Variants in CERS3 observed in about 807,000 individuals in gnomAD.
CERS3 encodes ceramide synthase 3.
Under a neutral mutation model 50.3 loss-of-function variants are expected in CERS3, and 33 were observed. That is an observed-to-expected ratio of 0.66 (90% CI 0.50 to 0.88). CERS3 has a LOEUF of 0.88. Ranked by LOEUF, CERS3 falls within the 40% of genes least tolerant of loss-of-function variation. The pLI is 0.00. For missense variants in CERS3, 470 were observed against 460.3 expected (o/e 1.02, Z -0.19); for synonymous variants, 176 against 155.2 (o/e 1.13, Z -0.99).
intron 11 of CERS3, among the ~76,000 whole-genome samples, chr15:100,431,692 C>T (rs893682131): frequency 6.6e-6 from 1 of 151,324 alleles, no homozygotes; most frequent in Non-Finnish European, 1.5e-5. Flanking sequence ...TAGATCTCAG[C>T]CTAGGATGCA....
At chr15:100,436,680 G>A (rs535727604) in intron 11 of CERS3, among the ~76,000 whole-genome samples, 4 of 152,218 alleles carry the variant, frequency 2.6e-5, no homozygotes, top group Admixed American at 6.5e-5. Flanking sequence ...TAAGAAAAAT[G>A]TTTTTAATAA....
intron 10 of CERS3, 67 bp from the exon 11 acceptor site, chr15:100,456,113 AC>A: frequency 1.6e-6 from 2 of 1,277,974 alleles, no homozygotes; most frequent in Non-Finnish European, 2.1e-6. Flanking sequence ...CAATAATAAA[AC>A]AAATAGTTTT....
chr15:100,412,034 T>C (rs1432352984), intron 11 of CERS3, among the ~76,000 whole-genome samples: 1 of 152,212 alleles, frequency 6.6e-6, no homozygotes, highest in African/African-American at 2.4e-5. Flanking sequence ...GATATATGAT[T>C]TGCAAATATT....
At chr15:100,474,061 T>C (rs2035050435) in intron 8 of CERS3, among the ~76,000 whole-genome samples, 1 of 152,210 alleles carries the variant, frequency 6.6e-6, no homozygotes, top group African/African-American at 2.4e-5. Flanking sequence ...ATTCCACTTA[T>C]ATAAAATATC....
At chr15:100,408,502 G>T (rs1010971404) in intron 11 of CERS3, 2 of 152,010 alleles carry the variant, frequency 1.3e-5, no homozygotes, top group Non-Finnish European at 2.9e-5. Context: ...AACAGTTGTG[G>T]AATTATGTTG....
chr15:100,452,256 A>C (rs1389987814), intron 11 of CERS3, among the ~76,000 whole-genome samples: 1 of 152,230 alleles, frequency 6.6e-6, no homozygotes, highest in Non-Finnish European at 1.5e-5. Context: ...ATTTAAAAAA[A>C]CTGAAATTAT....
At chr15:100,414,600 A>G (rs779719133) in intron 11 of CERS3, among the ~76,000 whole-genome samples, 1 of 152,120 alleles carries the variant, frequency 6.6e-6, no homozygotes, top group Non-Finnish European at 1.5e-5. Flanking sequence ...AACAGAACAG[A>G]ACAGAGACCT....
chr15:100,449,379 G>A (rs1434629359), intron 11 of CERS3, among the ~76,000 whole-genome samples: 1 of 152,138 alleles, frequency 6.6e-6, no homozygotes, highest in African/African-American at 2.4e-5. Flanking sequence ...TCTGCCTAGG[G>A]GCCCAAAGGC....
chr15:100,460,785 A>C (rs2034525241), intron 10 of CERS3, among the ~76,000 whole-genome samples: 1 of 152,222 alleles, frequency 6.6e-6, no homozygotes, highest in Non-Finnish European at 1.5e-5. Flanking sequence ...ATTATTGACA[A>C]AAGGACCTAC....
intron 1 of CERS3, among the ~76,000 whole-genome samples, chr15:100,534,258 G>T (rs1313783118): frequency 6.6e-6 from 1 of 152,134 alleles, no homozygotes; most frequent in African/African-American, 2.4e-5. Flanking sequence ...TGCTCACTAT[G>T]TGACCTTATT....
chr15:100,468,261 T>C (rs2034848477), intron 10 of CERS3, among the ~76,000 whole-genome samples: 1 of 152,192 alleles, frequency 6.6e-6, no homozygotes, highest in African/African-American at 2.4e-5. Flanking sequence ...CCAACCCTTA[T>C]TTCCATTTTA....
At chr15:100,481,203 A>G (rs1278746894) in intron 5 of CERS3, among the ~76,000 whole-genome samples, 1 of 152,194 alleles carries the variant, frequency 6.6e-6, no homozygotes, top group African/African-American at 2.4e-5. Flanking sequence ...TGTAGCTAAG[A>G]AGGAGGAAAG....
At chr15:100,483,189 T>C (rs1422692555) in intron 5 of CERS3, among the ~76,000 whole-genome samples, 1 of 152,246 alleles carries the variant, frequency 6.6e-6, no homozygotes, top group Non-Finnish European at 1.5e-5. Context: ...TCAGCCATGC[T>C]GATGCCATCA....
chr15:100,439,598 T>G (rs2033589372), intron 11 of CERS3, among the ~76,000 whole-genome samples: 2 of 152,230 alleles, frequency 1.3e-5, no homozygotes, highest in Admixed American at 1.3e-4. Flanking sequence ...TAAACGCTGA[T>G]TAAATAGAGT....
chr15:100,510,541 T>G (rs1185551853), intron 2 of CERS3, among the ~76,000 whole-genome samples: 1 of 152,210 alleles, frequency 6.6e-6, no homozygotes, highest in Admixed American at 6.5e-5. Context: ...TCTTTTTAGT[T>G]ACACACCCCC....
chr15:100,531,084 C>CAAAAAA (rs1215014911), upstream of CERS3, among the ~76,000 whole-genome samples: 1 of 150,964 alleles, frequency 6.6e-6, no homozygotes, highest in Non-Finnish European at 1.5e-5. Context: ...ACTCCTGTCT[C>CAAAAAA]AAAAAAACAA....
At chr15:100,523,905 T>C (rs1393318962) in intron 1 of CERS3, among the ~76,000 whole-genome samples, 1 of 152,142 alleles carries the variant, frequency 6.6e-6, no homozygotes, top group African/African-American at 2.4e-5. Context: ...AGTTATATTG[T>C]TTTACCTGTC....
chr15:100,423,163 A>G lies in CERS3; in HGVS notation c.1000-20298T>C, dbSNP rs2032574862. 3.9e-5 allele frequency among the ~76,000 whole-genome samples: 6 copies of G among 152,288 alleles called. No individual in the cohort carries two copies. The South Asian group carries it at 1.2e-3, about 32-fold the overall frequency. On this transcript the variant is annotated intron_variant, in intron 11 of 11. Coordinates refer to ENST00000679737, the MANE Select transcript of CERS3 (RefSeq NM_001378789.1). ...GGAGAAAAAGGAATGCTTATAAACT[A>G]CTGGTGGGAATGTGAATTAGTTTGG...
rs775669527 is a variant in CERS3 at position 100,490,911 on chromosome 15, G to T, written c.194C>A (p.Ala65Glu). Residue 65 changes from alanine to glutamate, a missense_variant, in exon 4 of 12, where the codon GCA (alanine) becomes GAA (glutamate). Ala to Glu is a moderately radical substitution (Grantham distance 107, BLOSUM62 -1). Coordinates refer to ENST00000679737, the MANE Select transcript of CERS3 (RefSeq NM_001378789.1). The stretch of plus-strand genomic sequence containing the variant: ...TGTCTCTTTAATGCCAAATGATTTT[G>T]CTAGAGGTGAAGCAACAAATCTACA... ...VFEKFVASPLAKSFGIKETVR... is the reference protein window; with the variant it reads ...VFEKFVASPLEKSFGIKETVR... The T allele has an allele frequency of 1.3e-6, 2 of 1,597,886 alleles. No individual in the cohort carries two copies. Among genetic ancestry groups the T allele is most frequent in the Non-Finnish European group, 1.7e-6 (2 of 1,173,698 alleles).
Sources: allele counts gnomAD v4.1 joint callset (sites outside exome capture counted in the v4.1 genomes callset), GRCh38; gene constraint gnomAD v4.1.1; transcripts MANE v1.5; gene names NCBI Gene and HGNC (gene_info 2026-07-23, HGNC 2026-07-21).